Variants in MARCHF1 observed in about 807,000 individuals in gnomAD.
The protein encoded by MARCHF1 is membrane associated ring-CH-type finger 1.
MARCHF1 carries 40 observed loss-of-function variants against 54.2 expected under a neutral mutation model. The ratio of observed to expected loss-of-function variants is 0.74; its 90% CI spans 0.57 to 0.96. MARCHF1 has a LOEUF of 0.96. MARCHF1 is among the 40% of genes least tolerant of loss of function. MARCHF1 has a pLI of 0.00. For synonymous variants in MARCHF1, 236 were observed against 236.3 expected, an observed-to-expected ratio of 1.00 and a Z score of 0.01; for missense variants, 586 against 656.5, an observed-to-expected ratio of 0.89 and a Z score of 1.17.
chr4:164,356,849 A>T (rs369093632), intron 1 of MARCHF1, among the ~76,000 whole-genome samples: 14 of 151,068 alleles, frequency 9.3e-5, no homozygotes, highest in African/African-American at 1.9e-4. Flanking sequence ...TGCACAAATC[A>T]GAAAAATATT....
At chr4:163,593,699 A>T (rs1032343411) in intron 7 of MARCHF1, among the ~76,000 whole-genome samples, 1 of 152,200 alleles carries the variant, frequency 6.6e-6, no homozygotes, top group African/African-American at 2.4e-5. Context: ...TCAAGTTGCC[A>T]TGGATAATTG....
chr4:164,052,515 G>A (rs908544234), intron 2 of MARCHF1, among the ~76,000 whole-genome samples: 1 of 151,954 alleles, frequency 6.6e-6, no homozygotes, highest in Admixed American at 6.6e-5. Flanking sequence ...CTGGGTGACA[G>A]AGTGACTTCG....
chr4:163,617,795 C>T (rs1741562006), intron 5 of MARCHF1, among the ~76,000 whole-genome samples: 2 of 152,104 alleles, frequency 1.3e-5, no homozygotes, highest in African/African-American at 2.4e-5. Flanking sequence ...CAAGTGTCCT[C>T]AAATCACTGA....
At chr4:163,908,818 C>A (rs1431295841) in intron 3 of MARCHF1, among the ~76,000 whole-genome samples, 1 of 152,016 alleles carries the variant, frequency 6.6e-6, no homozygotes, top group Non-Finnish European at 1.5e-5. Flanking sequence ...GATCACTGTC[C>A]AGAAATGTTT....
chr4:164,346,630 A>G (rs866958699), intron 1 of MARCHF1, among the ~76,000 whole-genome samples: 475 of 12,888 alleles, frequency 0.037, 12 homozygotes, highest in African/African-American at 0.044. Context: ...ATATATATAT[A>G]TATATATATA....
At chr4:164,055,621 T>C (rs1367009589) in intron 2 of MARCHF1, among the ~76,000 whole-genome samples, 1 of 152,164 alleles carries the variant, frequency 6.6e-6, no homozygotes, top group East Asian at 1.9e-4. Flanking sequence ...AAACTTTCAA[T>C]CAATTAAAAC....
chr4:164,197,107 CCTCCA>C lies in MARCHF1; in HGVS notation c.-322-85450_-322-85446del, dbSNP rs772217972. The C allele has an allele frequency of 3.1e-6, 5 of 1,606,434 alleles. No homozygotes were observed. In the African/African-American group the frequency reaches 6.7e-5, roughly 22 times the overall value. On this transcript the variant is annotated intron_variant, in intron 1 of 9. Transcript: ENST00000514618. ...ATAACCTTCTTCATCCTCCTCGTCC[CCTCCA>C]CTCACGTCCTCCTCTTCACCTTCCT... is the stretch of plus-strand genomic sequence containing the variant.
intron 4 of MARCHF1, among the ~76,000 whole-genome samples, chr4:163,795,069 A>G (rs989271249): frequency 6.6e-6 from 1 of 152,194 alleles, no homozygotes. Context: ...ATTGAATTGT[A>G]TCTATAAATC....
intron 2 of MARCHF1, among the ~76,000 whole-genome samples, chr4:164,038,076 A>G (rs977987276): frequency 2.6e-5 from 4 of 152,174 alleles, no homozygotes; most frequent in African/African-American, 7.2e-5. Flanking sequence ...ATCAATGTCA[A>G]TATCTTGGTT....
intron 9 of MARCHF1, among the ~76,000 whole-genome samples, chr4:163,532,407 A>G (rs1738384170): frequency 6.6e-6 from 1 of 151,906 alleles, no homozygotes; most frequent in African/African-American, 2.4e-5. Context: ...CTGTAAACAG[A>G]CCTTAAATTT....
intron 4 of MARCHF1, among the ~76,000 whole-genome samples, chr4:163,852,351 C>T (rs1457754683): frequency 3.3e-5 from 5 of 152,108 alleles, no homozygotes; most frequent in Admixed American, 1.3e-4. Context: ...GGTTTTTGAT[C>T]TGCGATTCCA....
intron 8 of MARCHF1, among the ~76,000 whole-genome samples, chr4:163,560,964 T>C (rs1407181822): frequency 6.6e-6 from 1 of 152,164 alleles, no homozygotes; most frequent in Non-Finnish European, 1.5e-5. Context: ...CATTTGTGCA[T>C]AAAATCCACT....
intron 8 of MARCHF1, among the ~76,000 whole-genome samples, chr4:163,567,256 CT>C (rs1296534220): frequency 6.6e-6 from 1 of 151,934 alleles, no homozygotes; most frequent in African/African-American, 2.4e-5. Context: ...AAGAACCCAT[CT>C]TTATGCCAAT....
At chr4:164,241,421 T>C (rs914647562) in intron 1 of MARCHF1, among the ~76,000 whole-genome samples, 2 of 152,172 alleles carry the variant, frequency 1.3e-5, no homozygotes, top group Non-Finnish European at 2.9e-5. Context: ...ATAATTGTCC[T>C]GAGTTCACAC....
At chr4:163,939,757 T>C (rs1006695147) in intron 3 of MARCHF1, among the ~76,000 whole-genome samples, 1 of 152,132 alleles carries the variant, frequency 6.6e-6, no homozygotes, top group East Asian at 1.9e-4. Flanking sequence ...TCAGGGACAT[T>C]TGTGGTTGGG....
At chr4:164,171,531 A>T (rs1730525111) in intron 1 of MARCHF1, among the ~76,000 whole-genome samples, 1 of 152,172 alleles carries the variant, frequency 6.6e-6, no homozygotes, top group South Asian at 2.1e-4. Flanking sequence ...TTCTCAAATA[A>T]TAGTTAAAAC....
chr4:163,923,795 A>C (rs1206490338), intron 3 of MARCHF1, among the ~76,000 whole-genome samples: 1 of 151,838 alleles, frequency 6.6e-6, no homozygotes, highest in Admixed American at 6.6e-5. Context: ...AAAAAAGTAA[A>C]AGAAAATTTA....
intron 1 of MARCHF1, chr4:164,196,958 A>G: frequency 6.3e-7 from 1 of 1,599,780 alleles, no homozygotes; most frequent in Non-Finnish European, 8.5e-7. Flanking sequence ...GAATTTTTCA[A>G]AATAGGTTAT....
intron 1 of MARCHF1, among the ~76,000 whole-genome samples, chr4:164,300,549 T>C (rs1212825111): frequency 1.3e-5 from 2 of 149,594 alleles, no homozygotes; most frequent in African/African-American, 2.6e-5. Flanking sequence ...TACTAGTTAG[T>C]TGTTTGTTTG....
Sources: allele counts gnomAD v4.1 joint callset (sites outside exome capture counted in the v4.1 genomes callset), GRCh38; gene constraint gnomAD v4.1.1; transcripts MANE v1.5; gene names NCBI Gene and HGNC (gene_info 2026-07-23, HGNC 2026-07-21).